The following NUB1 variants were observed in gnomAD, a reference collection of about 807,000 sequenced individuals.
The protein encoded by NUB1 is negative regulator of ubiquitin like proteins 1, also known as NEDD8 ultimate buster 1.
Under a neutral mutation model 77.1 loss-of-function variants are expected in NUB1, and 41 were observed. The ratio of observed to expected loss-of-function variants is 0.53; its 90% CI spans 0.41 to 0.69. The LOEUF is 0.69. Among genes scored for constraint, NUB1 ranks in the 30% least tolerant of loss-of-function variants. NUB1 has a pLI of 0.00. For missense variants in NUB1, 643 were observed against 743.8 expected, an observed-to-expected ratio of 0.86 and a Z score of 1.58; for synonymous variants, 257 against 281.0, an observed-to-expected ratio of 0.91 and a Z score of 0.85.
At position 151,356,132 on chromosome 7, in the gene NUB1, A is replaced by G; in HGVS notation, c.603A>G (p.Ala201=). ...GTCCTTTTGGTTTTGTTACAGCAGCAGAGACAGTGGTGGATCCAGAAATGA... is the reference window on the plus strand; with the variant it reads ...GTCCTTTTGGTTTTGTTACAGCAGCGGAGACAGTGGTGGATCCAGAAATGA... The part of the protein sequence containing the change: ...RGLEILAKRA[A]ETVVDPEMTP... Residue 201 remains alanine, a synonymous_variant, in exon 7 of 15, where the codon GCA becomes GCG. Coordinates refer to ENST00000568733, the MANE Select transcript of NUB1 (RefSeq NM_001243351.2). 1 of 1,613,488 alleles carries G rather than the reference A, an allele frequency of 6.2e-7. No homozygotes were observed. The highest frequency in any genetic ancestry group is 8.5e-7 in the Non-Finnish European group (1 of 1,179,414).
intron 1 of NUB1, among the ~76,000 whole-genome samples, chr7:151,344,936 C>G (rs937389299): frequency 3.3e-5 from 5 of 152,190 alleles, no homozygotes; most frequent in South Asian, 2.1e-4. Flanking sequence ...GGGGGCGGAG[C>G]TTGCAGTGAG....
intron 14 of NUB1, 102 bp downstream of exon 14, chr7:151,376,913 C>G: frequency 6.9e-7 from 1 of 1,440,168 alleles, no homozygotes; most frequent in Non-Finnish European, 9.3e-7. Context: ...GAGGGGGCGT[C>G]CCCTGACGTC....
chr7:151,357,696 G>C (rs1005490159), intron 7 of NUB1, among the ~76,000 whole-genome samples: 12 of 150,112 alleles, frequency 8.0e-5, no homozygotes, highest in Non-Finnish European at 1.5e-4. Flanking sequence ...TGCAGCCTTC[G>C]CCTCCCTGGT....
intron 8 of NUB1, among the ~76,000 whole-genome samples, chr7:151,362,575 A>T (rs533349900): frequency 1.5e-4 from 23 of 152,334 alleles, no homozygotes; most frequent in Middle Eastern, 3.4e-3. Flanking sequence ...ACCCTGAGGT[A>T]GGGAAACATG....
intron 2 of NUB1, 133 bp from the exon 3 acceptor site, chr7:151,348,940 C>G: frequency 1.4e-6 from 1 of 715,716 alleles, no homozygotes; most frequent in Non-Finnish European, 2.4e-6. Flanking sequence ...TGTCAAACCA[C>G]AGTGTGGACT....
intron 7 of NUB1, among the ~76,000 whole-genome samples, chr7:151,356,614 G>A (rs1030389833): frequency 2.6e-5 from 4 of 152,182 alleles, no homozygotes; most frequent in Non-Finnish European, 5.9e-5. Flanking sequence ...AAGTCCACAG[G>A]TGATTCTGAC....
chr7:151,359,956 G>A (rs1466248464), intron 7 of NUB1, among the ~76,000 whole-genome samples, 185 bp from the exon 8 acceptor site: 1 of 151,954 alleles, frequency 6.6e-6, no homozygotes, highest in Admixed American at 6.5e-5. Context: ...TGAAGTGTTT[G>A]GCTTCAGTAT....
intron 12 of NUB1, chr7:151,374,620 T>G (rs905977080): frequency 7.1e-6 from 2 of 281,058 alleles, no homozygotes; most frequent in South Asian, 9.7e-5. Flanking sequence ...AAATTTTAAA[T>G]GTAAGTATCT....
intron 11 of NUB1, 33 bp from the exon 12 acceptor site, chr7:151,374,063 TA>T: frequency 6.5e-7 from 1 of 1,533,736 alleles, no homozygotes; most frequent in East Asian, 2.5e-5. Context: ...TCTCAGTCCC[TA>T]ACTTGGGATG....
At chr7:151,376,493 A>G (rs1305064537) in intron 13 of NUB1, 141 bp from the exon 14 acceptor site, 1 of 809,564 alleles carries the variant, frequency 1.2e-6, no homozygotes, top group African/African-American at 1.7e-5. Flanking sequence ...ATTGCACAGA[A>G]GCATGACTTG....
chr7:151,344,861 G>A (rs575396213), intron 1 of NUB1, among the ~76,000 whole-genome samples: 342 of 152,134 alleles, frequency 2.2e-3, no homozygotes, highest in African/African-American at 6.0e-3. Context: ...TTAGCCGGGC[G>A]TGGTGGCGCA....
At chr7:151,363,840 C>G (rs1051517738) in intron 8 of NUB1, among the ~76,000 whole-genome samples, 9 of 151,962 alleles carry the variant, frequency 5.9e-5, no homozygotes, top group Non-Finnish European at 1.0e-4. Context: ...TGCAGTGACG[C>G]AATCTTAGTT....
intron 12 of NUB1, 84 bp downstream of exon 12, chr7:151,374,327 C>T: frequency 6.8e-7 from 1 of 1,474,264 alleles, no homozygotes; most frequent in East Asian, 2.5e-5. Flanking sequence ...CCAGCATCCT[C>T]CCGGGCTCAC....
chr7:151,366,843 C>T (rs577029669), intron 8 of NUB1, 96 bp from the exon 9 acceptor site: 31 of 951,842 alleles, frequency 3.3e-5, no homozygotes, highest in African/African-American at 1.2e-4. Context: ...ATACCAAGAA[C>T]GGGGAAAGAA....
At chr7:151,362,421 T>C (rs1180591411) in intron 8 of NUB1, among the ~76,000 whole-genome samples, 1 of 152,238 alleles carries the variant, frequency 6.6e-6, no homozygotes, top group Non-Finnish European at 1.5e-5. Context: ...CATTTGACTT[T>C]TCCCCCTTAC....
intron 11 of NUB1, 103 bp downstream of exon 11, chr7:151,368,990 GGGAA>G: frequency 8.1e-7 from 1 of 1,240,428 alleles, no homozygotes; most frequent in Non-Finnish European, 1.1e-6. Context: ...ACTCCAGATT[GGGAA>G]GGAAGGAGAA....
In NUB1 at chr7:151,344,147, C is replaced by CT. The variant is rs1232061754; in HGVS notation, c.-2-1200dup. Among the ~76,000 whole-genome samples, 14 of 112,820 alleles carry CT rather than the reference C, an allele frequency of 1.2e-4. No individual in the cohort carries two copies. The Admixed American group carries it at 1.5e-3, about 12-fold the overall frequency. 74.0% of individuals were successfully genotyped at this position (112,820 alleles called of 152,430 possible). On this transcript the variant is annotated intron_variant, in intron 1 of 14. Coordinates refer to ENST00000568733, the MANE Select transcript of NUB1 (RefSeq NM_001243351.2). The stretch of plus-strand genomic sequence containing the variant: ...AGTGAGCCGAGATTGTACCACTGCA[C>CT]TCTAGCCTGGGCGACAGAGTGAGAC...
rs759707983 is a variant in NUB1 at position 151,352,863 on chromosome 7, TAAG to T, written c.400_402del (p.Lys134del). On this transcript the variant is annotated inframe_deletion, in exon 5 of 15. Transcript: ENST00000568733. Reference sequence around the variant, plus strand: ...AAAATTATATCAAAATTGTCATAAATAAGAAGCAACTACAACTAGGTATGTATG... The same window carrying T: ...AAAATTATATCAAAATTGTCATAAATAAGCAACTACAACTAGGTATGTATG... The T allele has an allele frequency of 5.8e-6, 9 of 1,556,870 alleles. No individual in the cohort carries two copies. The highest frequency in any genetic ancestry group is 2.3e-5 in the East Asian group (1 of 44,336).
At chr7:151,353,159 C>T (rs1218864692) in intron 5 of NUB1, among the ~76,000 whole-genome samples, 1 of 152,082 alleles carries the variant, frequency 6.6e-6, no homozygotes, top group Non-Finnish European at 1.5e-5. Flanking sequence ...TGTAAGATGC[C>T]AGTTCCAGCA....
Sources: gnomAD v4.1 joint callset for allele counts (sites outside exome capture counted in the v4.1 genomes callset) on GRCh38, gnomAD v4.1.1 for gene constraint, MANE v1.5 for transcripts, NCBI Gene and HGNC (gene_info 2026-07-23, HGNC 2026-07-21) for gene names.